CPS1: variants seen among roughly 807,000 people sequenced by gnomAD.
The protein encoded by CPS1 is carbamoyl-phosphate synthase [ammonia], mitochondrial.
CPS1 carries 109 observed loss-of-function variants against 174.6 expected under a neutral mutation model. The observed-to-expected ratio is 0.62, with a 90% CI of 0.53 to 0.73. The LOEUF (loss-of-function observed/expected upper bound fraction) is 0.73, where lower values mean the gene tolerates loss of function less well. CPS1 is among the 30% of genes least tolerant of loss of function. The pLI, the probability that CPS1 is intolerant of heterozygous loss-of-function variation, is 0.00. For missense variants in CPS1, 1,689 were observed against 1,821.9 expected, an observed-to-expected ratio of 0.93 and a Z score of 1.33; for synonymous variants, 637 against 632.0, an observed-to-expected ratio of 1.01 and a Z score of -0.12.
At chr2:210,651,475 G>T (rs557520816) in intron 28 of CPS1, among the ~76,000 whole-genome samples, 1 of 152,262 alleles carries the variant, frequency 6.6e-6, no homozygotes, top group East Asian at 1.9e-4. Context: ...CACTAATGGA[G>T]TGAGACACCA....
At chr2:210,518,415 T>C (rs1319551697) in intron 1 of CPS1, among the ~76,000 whole-genome samples, 1 of 152,016 alleles carries the variant, frequency 6.6e-6, no homozygotes, top group Non-Finnish European at 1.5e-5. Flanking sequence ...TCCCAACCAT[T>C]CTTGTAGATA....
intron 21 of CPS1, among the ~76,000 whole-genome samples, chr2:210,629,289 A>C (rs1699788306): frequency 6.6e-6 from 1 of 152,188 alleles, no homozygotes; most frequent in African/African-American, 2.4e-5. Flanking sequence ...CTCAAGCAAA[A>C]GCTATTTGAT....
chr2:210,556,236 A>G (rs1179353091), upstream of CPS1: 2 of 412,040 alleles, frequency 4.9e-6, no homozygotes, highest in African/African-American at 4.2e-5. Context: ...TTTTACCCCA[A>G]CAGAAAATGG....
At chr2:210,600,489 G>A (rs1698681880) in intron 14 of CPS1, 66 bp from the exon 15 acceptor site, 2 of 1,482,268 alleles carry the variant, frequency 1.3e-6, no homozygotes, top group Non-Finnish European at 1.9e-6. Flanking sequence ...GTTGTATTCA[G>A]TTGTCTATTA....
At chr2:210,585,036 T>G (rs1219621514) in intron 6 of CPS1, among the ~76,000 whole-genome samples, 1 of 152,042 alleles carries the variant, frequency 6.6e-6, no homozygotes, top group East Asian at 1.9e-4. Flanking sequence ...CATCTCACCT[T>G]TGGATCCCAT....
In CPS1 at chr2:210,580,858, C is replaced by CAA. The variant is rs369186272; in HGVS notation, c.528+1104_528+1105dup. Among the ~76,000 whole-genome samples the CAA allele has an allele frequency of 8.3e-4, 79 of 95,294 alleles. 1 individual carries two copies. The highest frequency in any genetic ancestry group is 4.2e-3 in the South Asian group (13 of 3,100). The allele number at this position is 95,294 out of a possible 152,430, so 62.5% of individuals were successfully genotyped here. A position where few individuals can be genotyped will look rare whatever the true frequency, so the allele number is the denominator to read the frequency against. The stretch of plus-strand genomic sequence containing the variant: ...CCTGGGCGACTACAGGACCCTGTCT[C>CAA]AAAAAAAAAAAAAAAAAGTACATAT... On this transcript the variant is annotated intron_variant, in intron 5 of 37. Coordinates refer to ENST00000233072, the MANE Select transcript of CPS1 (RefSeq NM_001875.5).
chr2:210,544,615 A>G (rs1696514957), intron 1 of CPS1, among the ~76,000 whole-genome samples: 1 of 152,032 alleles, frequency 6.6e-6, no homozygotes, highest in Admixed American at 6.6e-5. Flanking sequence ...GCCACAAATT[A>G]TTTTCAACTG....
chr2:210,601,371 A>G (rs543198053), intron 15 of CPS1, among the ~76,000 whole-genome samples: 2 of 152,070 alleles, frequency 1.3e-5, no homozygotes, highest in Non-Finnish European at 2.9e-5. Flanking sequence ...CAACTTCTCC[A>G]TGGTAGAAAC....
chr2:210,605,526 G>C (rs1698878255), intron 17 of CPS1, among the ~76,000 whole-genome samples: 1 of 151,894 alleles, frequency 6.6e-6, no homozygotes, highest in Non-Finnish European at 1.5e-5. Flanking sequence ...ATAAAACTTA[G>C]TGTTGAGAAA....
At chr2:210,597,178 G>C (rs1387620882) in intron 13 of CPS1, among the ~76,000 whole-genome samples, 1 of 151,722 alleles carries the variant, frequency 6.6e-6, no homozygotes, top group Non-Finnish European at 1.5e-5. Context: ...TATAACTTCT[G>C]TTGCTGGTAT....
intron 1 of CPS1, among the ~76,000 whole-genome samples, chr2:210,489,858 C>T (rs910469761): frequency 2.0e-5 from 3 of 151,812 alleles, no homozygotes; most frequent in Admixed American, 1.3e-4. Flanking sequence ...ATTAGCCGGG[C>T]GTGGTGGCGG....
intron 20 of CPS1, among the ~76,000 whole-genome samples, chr2:210,615,642 AT>A (rs1258954014): frequency 6.6e-6 from 1 of 151,970 alleles, no homozygotes; most frequent in African/African-American, 2.4e-5. Context: ...TTGTATAAAG[AT>A]TTTGGTTTTG....
At chr2:210,602,043 A>G (rs1369171954) in intron 15 of CPS1, among the ~76,000 whole-genome samples, 159 bp from the exon 16 acceptor site, 1 of 151,902 alleles carries the variant, frequency 6.6e-6, no homozygotes, top group African/African-American at 2.4e-5. Flanking sequence ...TTGAGTAACA[A>G]CACTTGCTTT....
upstream of CPS1, among the ~76,000 whole-genome samples, chr2:210,554,836 T>TACACACAC (rs3060397): frequency 0.044 from 6,470 of 147,812 alleles, 200 homozygotes; most frequent in Middle Eastern, 0.14. Flanking sequence ...CAACCCTCAC[T>TACACACAC]ACACACACAC....
At position 210,599,571 on chromosome 2, in the gene CPS1, T is replaced by C; in HGVS notation, c.1549+10T>C. 1 of 1,611,892 alleles carries C rather than the reference T, an allele frequency of 6.2e-7. No individual in the cohort carries two copies. Among genetic ancestry groups the C allele is most frequent in the Non-Finnish European group, 8.5e-7 (1 of 1,178,530 alleles). ...ACAGCTCTGAACTGTGGTGAGTTCT[T>C]ATAAGCTTAATTGCAGAGTTTTGAC... On this transcript the variant is annotated intron_variant, in intron 14 of 37. Coordinates refer to ENST00000233072, the MANE Select transcript of CPS1 (RefSeq NM_001875.5).
Position 210,485,984 on chromosome 2 carries a change from C to T in CPS1, c.3+8218C>T, listed in dbSNP as rs570562760. Among the ~76,000 whole-genome samples, 221 of 151,688 alleles carry T rather than the reference C, an allele frequency of 1.5e-3. 1 individual carries two copies. Among genetic ancestry groups the T allele is most frequent in the Non-Finnish European group, 2.6e-3 (179 of 67,930 alleles). ...CATTCTGGTGGATTTGTAGTAGTAT[C>T]GCATTGTGATTTTAACTTTCATGTC... On this transcript the variant is annotated intron_variant, in intron 1 of 38. Transcript: ENST00000430249.
chr2:210,549,163 C>T lies in CPS1; in HGVS notation c.4-7556C>T, dbSNP rs116665420. 6.7e-3 allele frequency among the ~76,000 whole-genome samples: 1,018 copies of T among 152,158 alleles called. 1 individual carries two copies. Among genetic ancestry groups the T allele is most frequent in the South Asian group, 0.012 (56 of 4,818 alleles). ...AAGAGGGTCCAGTAGTGTCCTGGCA[C>T]ATGATCTGGATTGCCATAGATAACC... On this transcript the variant is annotated intron_variant, in intron 1 of 38. Coordinates refer to the CPS1 transcript ENST00000430249.
chr2:210,634,983 G>GCTGGAGTGCAACTCAC (rs1296159365), intron 21 of CPS1, among the ~76,000 whole-genome samples: 14 of 152,080 alleles, frequency 9.2e-5, no homozygotes, highest in Non-Finnish European at 1.6e-4. Context: ...AGTCTCCGTT[G>GCTGGAGTGCAACTCAC]TCTGAGCTGG....
At chr2:210,651,119 C>G (rs964604962) in intron 28 of CPS1, among the ~76,000 whole-genome samples, 3 of 151,654 alleles carry the variant, frequency 2.0e-5, no homozygotes, top group Non-Finnish European at 4.4e-5. Flanking sequence ...TAATGTTTTC[C>G]TTTTAAAAGC....
Sources: gnomAD v4.1 joint callset for allele counts (sites outside exome capture counted in the v4.1 genomes callset) on GRCh38, gnomAD v4.1.1 for gene constraint, MANE v1.5 for transcripts, NCBI Gene and HGNC (gene_info 2026-07-23, HGNC 2026-07-21) for gene names.